Variants in FAT3 observed in about 807,000 individuals in gnomAD.
FAT3 encodes protocadherin Fat 3.
Under a neutral mutation model 310.2 loss-of-function variants are expected in FAT3, and 95 were observed. The ratio of observed to expected loss-of-function variants is 0.31; its 90% CI spans 0.26 to 0.36. The LOEUF is 0.36. FAT3 is among the 10% of genes least tolerant of loss of function. FAT3 has a pLI of 1.00. For missense variants in FAT3, 5,408 were observed against 5,715.6 expected (o/e 0.95, Z 1.74); for synonymous variants, 2,314 against 2,192.9 (o/e 1.06, Z -1.54).
At chr11:92,368,845 T>TATATATATATATATATACATACATAC (rs1196442457) in intron 2 of FAT3, among the ~76,000 whole-genome samples, 1 of 145,856 alleles carries the variant, frequency 6.9e-6, no homozygotes, top group African/African-American at 2.7e-5. Flanking sequence ...TATATATATA[T>TATATATATATATATATACATACATAC]ATACACACAT....
intron 6 of FAT3, among the ~76,000 whole-genome samples, chr11:92,773,360 T>C (rs1591713678): frequency 6.6e-6 from 1 of 152,354 alleles, no homozygotes; most frequent in South Asian, 2.1e-4. Context: ...GCTGATGTTT[T>C]CTTCTACTTC....
chr11:92,232,698 G>A (rs1231206135), intron 1 of FAT3, among the ~76,000 whole-genome samples: 1 of 110,982 alleles, frequency 9.0e-6, no homozygotes, highest in Non-Finnish European at 1.7e-5. Context: ...TTCTCTCATT[G>A]ATGATTATTT....
intron 2 of FAT3, among the ~76,000 whole-genome samples, chr11:92,384,617 C>T (rs1949576250): frequency 6.6e-6 from 1 of 152,176 alleles, no homozygotes; most frequent in African/African-American, 2.4e-5. Context: ...GGAGATCATG[C>T]ACTGCTATCA....
intron 4 of FAT3, among the ~76,000 whole-genome samples, chr11:92,724,989 T>C (rs1256048420): frequency 6.6e-6 from 1 of 152,134 alleles, no homozygotes; most frequent in Non-Finnish European, 1.5e-5. Flanking sequence ...ATAAGAAAAG[T>C]TGAGGAGCAA....
chr11:92,226,480 T>A (rs949564646), intron 1 of FAT3, among the ~76,000 whole-genome samples: 1 of 151,766 alleles, frequency 6.6e-6, no homozygotes, highest in African/African-American at 2.4e-5. Context: ...GAGAGCCGCT[T>A]GGGTTGCTCG....
chr11:92,367,920 G>A (rs1034858389), intron 2 of FAT3, among the ~76,000 whole-genome samples: 1 of 152,200 alleles, frequency 6.6e-6, no homozygotes, highest in Non-Finnish European at 1.5e-5. Flanking sequence ...GTTTTGTGGG[G>A]CTTGAAGTTC....
At chr11:92,882,433 C>CCTCCT (rs1353688741) in intron 23 of FAT3, among the ~76,000 whole-genome samples, 8 of 152,150 alleles carry the variant, frequency 5.3e-5, no homozygotes, top group Admixed American at 2.6e-4. Flanking sequence ...TTCTCTTTCT[C>CCTCCT]CTCCTCTCCT....
At chr11:92,665,337 C>T (rs935224001) in intron 3 of FAT3, among the ~76,000 whole-genome samples, 1 of 152,128 alleles carries the variant, frequency 6.6e-6, no homozygotes, top group Admixed American at 6.5e-5. Context: ...AGAAAAATGA[C>T]TCCAGTAAAA....
chr11:92,771,401 A>C (rs1416077431), intron 6 of FAT3, among the ~76,000 whole-genome samples: 1 of 150,508 alleles, frequency 6.6e-6, no homozygotes, highest in African/African-American at 2.4e-5. Context: ...GTCGTTTATG[A>C]AATGGGATGC....
intron 1 of FAT3, among the ~76,000 whole-genome samples, chr11:92,228,429 A>G (rs1451979173): frequency 2.0e-5 from 3 of 152,182 alleles, no homozygotes; most frequent in Admixed American, 6.5e-5. Flanking sequence ...CCTGTATGCT[A>G]TACGGTTATT....
intron 2 of FAT3, among the ~76,000 whole-genome samples, chr11:92,416,393 AAAAAG>A (rs933664679): frequency 5.3e-5 from 8 of 151,776 alleles, no homozygotes; most frequent in African/African-American, 1.9e-4. Context: ...CAAAAAAAAA[AAAAAG>A]AAAGAAAGAA....
At chr11:92,730,633 A>G (rs1364434136) in intron 4 of FAT3, among the ~76,000 whole-genome samples, 2 of 152,130 alleles carry the variant, frequency 1.3e-5, no homozygotes, top group Non-Finnish European at 2.9e-5. Context: ...CTGCTTTTGA[A>G]TTTGCGCTAG....
At position 92,831,648 on chromosome 11, in the gene FAT3, C is replaced by T. The variant is rs746524229; in HGVS notation, c.9508C>T (p.Leu3170=). ...IGINRKVVYS[L]ADSAGGVFSI... ...CATCAATAGGAAGGTCGTGTACTCC[C>T]TGGCAGACTCAGCTGGTGGGGTCTT... The change falls in exon 14 of 28, where the codon CTG becomes TTG. Residue 3170 remains leucine (L), a synonymous_variant. Coordinates refer to ENST00000525166, the MANE Select transcript of FAT3 (RefSeq NM_001367949.2). 2.5e-6 allele frequency: 4 copies of T among 1,612,830 alleles called. No homozygotes were observed. In the African/African-American group the frequency reaches 5.3e-5, roughly 22 times the overall value.
rs140386090 is a variant in FAT3 at position 92,830,849 on chromosome 11, C to T, written c.9482-773C>T. The stretch of plus-strand genomic sequence containing the variant: ...CAGCTCCACAATCAGAAAACACTCT[C>T]GCCACCTCCAAGTTCAGAATACATC... On this transcript the variant is annotated intron_variant, in intron 13 of 27. Transcript: ENST00000525166. Among the ~76,000 whole-genome samples, 438 of 152,212 alleles carry T rather than the reference C, an allele frequency of 2.9e-3. 2 individuals are homozygous for T. The highest frequency in any genetic ancestry group is 0.01 in the African/African-American group (416 of 41,544).
intron 2 of FAT3, among the ~76,000 whole-genome samples, chr11:92,523,659 A>T (rs1953756879): frequency 6.6e-6 from 1 of 152,074 alleles, no homozygotes; most frequent in Non-Finnish European, 1.5e-5. Flanking sequence ...TAGTATAAGG[A>T]TTTACATGAA....
At chr11:92,763,341 A>C (rs1278191899) in intron 5 of FAT3, among the ~76,000 whole-genome samples, 1 of 152,088 alleles carries the variant, frequency 6.6e-6, no homozygotes, top group Non-Finnish European at 1.5e-5. Flanking sequence ...AGAGAAAAAA[A>C]ATATAGTAAA....
chr11:92,431,644 G>A (rs1318999854), intron 2 of FAT3, among the ~76,000 whole-genome samples: 1 of 152,054 alleles, frequency 6.6e-6, no homozygotes, highest in Admixed American at 6.5e-5. Context: ...TATGGTTTTA[G>A]GTCTAACATG....
intron 12 of FAT3, 83 bp downstream of exon 12, chr11:92,806,598 ATAGT>A: frequency 1.7e-6 from 2 of 1,187,250 alleles, no homozygotes; most frequent in East Asian, 2.6e-5. Flanking sequence ...TCACTAGTAA[ATAGT>A]TAGTAGTATA....
intron 2 of FAT3, among the ~76,000 whole-genome samples, chr11:92,486,920 G>T (rs1228489723): frequency 6.6e-6 from 1 of 152,142 alleles, no homozygotes; most frequent in Non-Finnish European, 1.5e-5. Context: ...TTCATTAAAT[G>T]GAAAGCTTTT....
Sources: gnomAD v4.1 joint callset for allele counts (sites outside exome capture counted in the v4.1 genomes callset) on GRCh38, gnomAD v4.1.1 for gene constraint, MANE v1.5 for transcripts, NCBI Gene and HGNC (gene_info 2026-07-23, HGNC 2026-07-21) for gene names.